The following XKR6 variants were observed in gnomAD, a reference collection of about 807,000 sequenced individuals.
XKR6 encodes the protein XK related 6.
In XKR6, 22 loss-of-function variants were observed where a neutral mutation model predicts 56.7. The observed-to-expected ratio is 0.39, with a 90% confidence interval of 0.28 to 0.55. The LOEUF (loss-of-function observed/expected upper bound fraction) is 0.55, where lower values mean the gene tolerates loss of function less well. Among genes scored for constraint, XKR6 ranks in the 20% least tolerant of loss-of-function variants. XKR6 has a pLI of 0.66. For synonymous variants in XKR6, 524 were observed against 387.8 expected, an observed-to-expected ratio of 1.35 and a Z score of -4.13; for missense variants, 852 against 889.0, an observed-to-expected ratio of 0.96 and a Z score of 0.53.
chr8:11,197,435 A>C (rs1176748875), intron 1 of XKR6, among the ~76,000 whole-genome samples: 1 of 152,206 alleles, frequency 6.6e-6, no homozygotes, highest in East Asian at 1.9e-4. Flanking sequence ...ACTGCTCCTA[A>C]AGCCAAACCC....
chr8:10,927,379 A>G (rs1426568667), intron 1 of XKR6, among the ~76,000 whole-genome samples: 1 of 152,212 alleles, frequency 6.6e-6, no homozygotes, highest in Non-Finnish European at 1.5e-5. Context: ...CTCTCTCAAC[A>G]GGTGGCACCT....
chr8:10,933,461 A>T (rs1801125331), intron 1 of XKR6, among the ~76,000 whole-genome samples: 1 of 127,386 alleles, frequency 7.9e-6, no homozygotes, highest in Non-Finnish European at 1.7e-5. Context: ...TTTGGACATG[A>T]AGTCCTTGCC....
intron 1 of XKR6, among the ~76,000 whole-genome samples, chr8:11,045,099 T>G (rs1799376961): frequency 7.2e-6 from 1 of 138,340 alleles, no homozygotes; most frequent in African/African-American, 2.8e-5. Flanking sequence ...TTTTTTTTTT[T>G]TTTTTTTGAG....
At chr8:11,053,906 G>A (rs1003628772) in intron 1 of XKR6, among the ~76,000 whole-genome samples, 1 of 152,140 alleles carries the variant, frequency 6.6e-6, no homozygotes, top group Non-Finnish European at 1.5e-5. Context: ...ATGTGTATAC[G>A]GAGTTTTCAG....
At chr8:11,199,887 G>A (rs1804106266) in intron 1 of XKR6, among the ~76,000 whole-genome samples, 1 of 151,976 alleles carries the variant, frequency 6.6e-6, no homozygotes, top group Non-Finnish European at 1.5e-5. Flanking sequence ...CTGGAGGTGA[G>A]AGTTAACACC....
intron 1 of XKR6, among the ~76,000 whole-genome samples, chr8:10,967,121 C>T (rs1802249111): frequency 6.6e-6 from 1 of 152,228 alleles, no homozygotes; most frequent in Non-Finnish European, 1.5e-5. Context: ...GTCTGCATGA[C>T]AGTGCGTGAT....
chr8:11,166,767 T>A (rs1802097207), intron 1 of XKR6, among the ~76,000 whole-genome samples: 1 of 152,044 alleles, frequency 6.6e-6, no homozygotes, highest in Non-Finnish European at 1.5e-5. Flanking sequence ...GAGACGGGGT[T>A]TCACCATGTT....
chr8:10,921,925 T>C (rs1800734530), intron 2 of XKR6, among the ~76,000 whole-genome samples: 1 of 152,240 alleles, frequency 6.6e-6, no homozygotes, highest in South Asian at 2.1e-4. Context: ...AGGTGGGACC[T>C]TTGAGAGGTG....
At chr8:10,973,979 GT>G (rs1006065007) in intron 1 of XKR6, among the ~76,000 whole-genome samples, 5 of 151,900 alleles carry the variant, frequency 3.3e-5, no homozygotes, top group Admixed American at 6.6e-5. Context: ...TATCATTCCA[GT>G]TTTTTTTTAA....
intron 1 of XKR6, among the ~76,000 whole-genome samples, chr8:11,160,231 C>G (rs1254939227): frequency 6.6e-6 from 1 of 151,686 alleles, no homozygotes; most frequent in Non-Finnish European, 1.5e-5. Flanking sequence ...ATTGTTTCAG[C>G]CAGATAAGTA....
chr8:11,161,576 G>C (rs756859006), intron 1 of XKR6, among the ~76,000 whole-genome samples: 1 of 152,198 alleles, frequency 6.6e-6, no homozygotes, highest in Non-Finnish European at 1.5e-5. Context: ...ACTCAGCAGA[G>C]CATGATTTAG....
chr8:11,200,863 G>A lies in XKR6; in HGVS notation c.477C>T (p.Tyr159=), dbSNP rs1331180321. 9.3e-6 allele frequency: 15 copies of A among 1,611,826 alleles called. No homozygotes were observed. The highest frequency in any genetic ancestry group is 2.2e-5 in the South Asian group (2 of 91,004). Residue 159 remains tyrosine, a synonymous_variant, in exon 1 of 3, where the codon TAC becomes TAT. Transcript: ENST00000416569. This position sits in a 1 kb window ranked among gnomAD's most constrained non-coding sequence, Gnocchi z 6.4. ...AGAAGAGGGTCAGCCCGAAGTAGAC[G>A]TAGTCCCCCTTGCGGTAGTAGTCGA... ...LALDYYRKGD[Y]VYFGLTLFFV...
chr8:11,074,198 G>GTCTGCT (rs938758028), intron 1 of XKR6, among the ~76,000 whole-genome samples: 2 of 152,216 alleles, frequency 1.3e-5, no homozygotes, highest in African/African-American at 4.8e-5. Flanking sequence ...GGGCTGCTCT[G>GTCTGCT]TCTGCTCCAG....
intron 1 of XKR6, among the ~76,000 whole-genome samples, chr8:10,967,186 A>T (rs900802441): frequency 3.9e-5 from 6 of 152,218 alleles, no homozygotes; most frequent in Admixed American, 1.3e-4. Context: ...AATCTATGAG[A>T]AAAGCATTCA....
At chr8:10,943,783 G>T (rs1232554253) in intron 1 of XKR6, among the ~76,000 whole-genome samples, 2 of 152,052 alleles carry the variant, frequency 1.3e-5, no homozygotes, top group African/African-American at 2.4e-5. Context: ...TTTACGCCAG[G>T]GCACTATGCT....
At chr8:11,116,033 T>C (rs1225043954) in intron 1 of XKR6, among the ~76,000 whole-genome samples, 2 of 152,228 alleles carry the variant, frequency 1.3e-5, no homozygotes, top group African/African-American at 4.8e-5. Context: ...TTGGGAGTCA[T>C]ATCTGGGTTT....
At chr8:11,183,585 A>C (rs1803111289) in intron 1 of XKR6, among the ~76,000 whole-genome samples, 1 of 151,960 alleles carries the variant, frequency 6.6e-6, no homozygotes, top group Non-Finnish European at 1.5e-5. Flanking sequence ...AGCATCCCAA[A>C]GTGCTGGGAT....
At chr8:11,129,189 C>A (rs1799979572) in intron 1 of XKR6, 1 of 352,130 alleles carries the variant, frequency 2.8e-6, no homozygotes, top group South Asian at 2.2e-5. Flanking sequence ...GTGATGGTTG[C>A]TCAACATTGT....
At chr8:10,925,069 G>T (rs1393270199) in intron 1 of XKR6, among the ~76,000 whole-genome samples, 1 of 152,172 alleles carries the variant, frequency 6.6e-6, no homozygotes, top group Non-Finnish European at 1.5e-5. Flanking sequence ...CCCCTAGGCA[G>T]GTCTTCCTCC....
Sources: allele counts gnomAD v4.1 joint callset (sites outside exome capture counted in the v4.1 genomes callset), GRCh38; gene constraint gnomAD v4.1.1; non-coding constraint Gnocchi (gnomAD v3.1); transcripts MANE v1.5; gene names NCBI Gene and HGNC (gene_info 2026-07-23, HGNC 2026-07-21).